The following DLG1 variants were observed in gnomAD, a reference collection of about 807,000 sequenced individuals.
DLG1 encodes disks large homolog 1.
In DLG1, 42 loss-of-function variants were observed where a neutral mutation model predicts 123.4. That is an observed-to-expected ratio of 0.34 (90% CI 0.27 to 0.44). The LOEUF (loss-of-function observed/expected upper bound fraction) is 0.44, where lower values mean the gene tolerates loss of function less well. DLG1 is among the 20% of genes least tolerant of loss of function. The probability of loss-of-function intolerance (pLI) is 1.00; values close to 1 mark genes in which losing one functional copy is unlikely to be tolerated. For synonymous variants in DLG1, 317 were observed against 356.2 expected, an observed-to-expected ratio of 0.89 and a Z score of 1.24; for missense variants, 942 against 1,082.6, an observed-to-expected ratio of 0.87 and a Z score of 1.82.
rs79212676 is a variant in DLG1, at chr3:197,115,960, A to G, written c.1410T>C (p.Ser470=). Residue 470 remains serine (S), a synonymous_variant, in exon 13 of 25, where the codon AGT becomes AGC. Coordinates refer to ENST00000667157, the MANE Select transcript of DLG1 (RefSeq NM_001366207.1). The part of the protein sequence containing the change: ...FILAGGPADL[S]GELRKGDRII... ...TACGATCTCCTTTTCTGAGCTCTCC[A>G]CTTAGATCAGCAGGTCCTCCGGCTA... is the stretch of plus-strand genomic sequence containing the variant. The G allele has an allele frequency of 1.5e-3, 2,372 of 1,613,218 alleles. 17 individuals are homozygous for G. The African/African-American group carries it at 0.027, about 18-fold the overall frequency.
At chr3:197,256,576 T>A (rs1199830525) in intron 4 of DLG1, among the ~76,000 whole-genome samples, 1 of 152,254 alleles carries the variant, frequency 6.6e-6, no homozygotes, top group Admixed American at 6.5e-5. Flanking sequence ...TTAATAAACA[T>A]GCAAAGATTT....
At chr3:197,249,865 C>G (rs80223380) in intron 4 of DLG1, among the ~76,000 whole-genome samples, 6 of 152,122 alleles carry the variant, frequency 3.9e-5, no homozygotes, top group Non-Finnish European at 8.8e-5. Context: ...ATTCAATATA[C>G]CTTTGTGATA....
chr3:197,218,564 T>C (rs959284035), intron 4 of DLG1, among the ~76,000 whole-genome samples: 27 of 152,224 alleles, frequency 1.8e-4, no homozygotes, highest in Non-Finnish European at 3.7e-4. Flanking sequence ...TCAAACAAGT[T>C]ATTATTTTCT....
intron 13 of DLG1, among the ~76,000 whole-genome samples, chr3:197,113,079 A>G (rs930087614): frequency 2.0e-5 from 3 of 152,154 alleles, no homozygotes; most frequent in African/African-American, 7.2e-5. Context: ...CTGGAGTAAG[A>G]CTGGTTTAGG....
chr3:197,145,017 T>C (rs1789987292), intron 6 of DLG1, among the ~76,000 whole-genome samples: 1 of 151,132 alleles, frequency 6.6e-6, no homozygotes, highest in African/African-American at 2.4e-5. Context: ...GGGGTCTATG[T>C]TGACCAGGAG....
At chr3:197,063,567 A>G (rs900895914) in intron 22 of DLG1, among the ~76,000 whole-genome samples, 3 of 152,226 alleles carry the variant, frequency 2.0e-5, no homozygotes, top group Non-Finnish European at 4.4e-5. Flanking sequence ...TACCTTATTA[A>G]CAGTTTTAGA....
intron 5 of DLG1, among the ~76,000 whole-genome samples, chr3:197,184,505 A>C (rs1714590128): frequency 6.6e-6 from 1 of 152,222 alleles, no homozygotes; most frequent in African/African-American, 2.4e-5. Flanking sequence ...AACTCTGACT[A>C]TCTAACGATA....
chr3:197,130,945 G>C (rs1317151960), intron 10 of DLG1, among the ~76,000 whole-genome samples: 3 of 152,102 alleles, frequency 2.0e-5, no homozygotes, highest in Non-Finnish European at 4.4e-5. Flanking sequence ...TAGGCATTTA[G>C]GAATGTGTGT....
intron 16 of DLG1, 136 bp downstream of exon 16, chr3:197,085,444 G>T: frequency 6.0e-6 from 5 of 827,998 alleles, no homozygotes; most frequent in Admixed American, 2.3e-5. Flanking sequence ...TACGATTTTT[G>T]TCTTTCTGTG....
chr3:197,155,966 A>T (rs1796244189), intron 5 of DLG1, among the ~76,000 whole-genome samples: 1 of 152,200 alleles, frequency 6.6e-6, no homozygotes, highest in Non-Finnish European at 1.5e-5. Context: ...ATAAATAAAT[A>T]AGCCTAATAT....
At chr3:197,254,172 G>C (rs1429961452) in intron 4 of DLG1, among the ~76,000 whole-genome samples, 1 of 152,194 alleles carries the variant, frequency 6.6e-6, no homozygotes, top group East Asian at 1.9e-4. Flanking sequence ...AGAGTTATTT[G>C]TCCCCACACA....
intron 11 of DLG1, among the ~76,000 whole-genome samples, chr3:197,123,926 T>G (rs1777686911): frequency 6.6e-6 from 1 of 152,240 alleles, no homozygotes; most frequent in South Asian, 2.1e-4. Context: ...TTAAAATTGG[T>G]ACCCTTACTG....
intron 4 of DLG1, among the ~76,000 whole-genome samples, chr3:197,223,405 C>T (rs1738189468): frequency 6.6e-6 from 1 of 152,172 alleles, no homozygotes; most frequent in African/African-American, 2.4e-5. Context: ...GGATAAATGT[C>T]TCATAAAGAA....
intron 24 of DLG1, among the ~76,000 whole-genome samples, chr3:197,051,055 A>G (rs1040747421): frequency 2.6e-5 from 4 of 152,132 alleles, no homozygotes; most frequent in African/African-American, 7.2e-5. Flanking sequence ...TGTTGTTCTA[A>G]TCAATAACCT....
rs1359767596 is a variant in DLG1, at chr3:197,109,648, T to A, written c.1444-4643A>T. Among the ~76,000 whole-genome samples the A allele has an allele frequency of 3.3e-5, 5 of 152,330 alleles. No individual in the cohort carries two copies. The South Asian group carries it at 8.3e-4, about 25-fold the overall frequency. On this transcript the variant is annotated intron_variant, in intron 13 of 24. Transcript: ENST00000667157. ...ACTCTCTAGTTTCCTTTCATTTTAG[T>A]CTGAAGGATTCTCTTATTTCCTATA...
chr3:197,147,640 G>A (rs1577073140), intron 6 of DLG1, among the ~76,000 whole-genome samples: 2 of 152,216 alleles, frequency 1.3e-5, no homozygotes, highest in South Asian at 4.1e-4. Flanking sequence ...AAAGGCATGA[G>A]AATGATACAT....
chr3:197,168,426 AAC>A (rs1802468724), intron 5 of DLG1, among the ~76,000 whole-genome samples: 1 of 152,202 alleles, frequency 6.6e-6, no homozygotes, highest in South Asian at 2.1e-4. Flanking sequence ...TGCAGCTCTA[AAC>A]AAATAATAAT....
At position 197,042,846 on chromosome 3, in the gene DLG1, A is replaced by T. The variant is rs533470615; in HGVS notation, c.*1777T>A. On this transcript the variant is annotated 3_prime_UTR_variant, in exon 25 of 25. Transcript: ENST00000667157. Reference sequence around the variant, plus strand: ...GCTCTTGGATTCGGTTATAAGTTACATGATGCCTCAAATTGTTTCAAGAAA... The same window carrying T: ...GCTCTTGGATTCGGTTATAAGTTACTTGATGCCTCAAATTGTTTCAAGAAA... 6.6e-6 allele frequency: 1 copy of T among 152,184 alleles called. No individual in the cohort carries two copies. The highest frequency in any genetic ancestry group is 2.1e-4 in the South Asian group (1 of 4,832). 9.4% of individuals were successfully genotyped at this position (152,184 alleles called of 1,614,324 possible).
chr3:197,284,322 G>A lies in DLG1; in HGVS notation c.152-1477C>T, dbSNP rs534406072. Among the ~76,000 whole-genome samples, 87 of 152,006 alleles carry A rather than the reference G, an allele frequency of 5.7e-4. 1 individual carries two copies. The South Asian group carries it at 0.011, about 19-fold the overall frequency. On this transcript the variant is annotated intron_variant, in intron 3 of 24. Transcript: ENST00000667157. ...ACACACATATGTGCTATGCATACAC[G>A]CAAACACACACACATCACACTATGT...
Sources: allele counts gnomAD v4.1 joint callset (sites outside exome capture counted in the v4.1 genomes callset), GRCh38; gene constraint gnomAD v4.1.1; transcripts MANE v1.5; gene names NCBI Gene and HGNC (gene_info 2026-07-23, HGNC 2026-07-21).